The following GRID2IP variants were observed in gnomAD, a reference collection of about 807,000 sequenced individuals.
GRID2IP encodes Grid2 interacting protein.
Under a neutral mutation model 114.3 loss-of-function variants are expected in GRID2IP, and 78 were observed. The observed-to-expected ratio is 0.68, with a 90% CI of 0.57 to 0.82. The LOEUF is 0.82. GRID2IP is among the 40% of genes least tolerant of loss of function. The pLI is 0.00. For synonymous variants in GRID2IP, 809 were observed against 724.0 expected (o/e 1.12, Z -1.89); for missense variants, 1,727 against 1,678.5 (o/e 1.03, Z -0.51).
intron 2 of GRID2IP, among the ~76,000 whole-genome samples, chr7:6,531,411 C>A (rs1779620543): frequency 6.6e-6 from 1 of 152,362 alleles, no homozygotes; most frequent in African/African-American, 2.4e-5. Context: ...GGATCCTCGC[C>A]TGCGTCCTCT....
intron 2 of GRID2IP, among the ~76,000 whole-genome samples, chr7:6,535,131 C>G (rs911142425): frequency 2.6e-5 from 4 of 152,118 alleles, no homozygotes; most frequent in Non-Finnish European, 5.9e-5. Context: ...GTGATCCACC[C>G]GCCTCGGCCT....
chr7:6,512,589 C>T (rs1197458256), intron 8 of GRID2IP, among the ~76,000 whole-genome samples: 1 of 151,784 alleles, frequency 6.6e-6, no homozygotes, highest in Admixed American at 6.6e-5. Flanking sequence ...CAGCTCACTG[C>T]AACCTCCGTC....
rs1310099682 is a variant in GRID2IP, at chr7:6,534,419, G to C, written c.584+5299C>G. Reference sequence around the variant, plus strand: ...AGAAAGCCATTTTCTCACTTCATCAGACCGGGGTCCCTTTGGGGAGAGACC... The same window carrying C: ...AGAAAGCCATTTTCTCACTTCATCACACCGGGGTCCCTTTGGGGAGAGACC... On this transcript the variant is annotated intron_variant, in intron 2 of 21. Transcript: ENST00000457091. This position sits in a 1 kb window ranked among gnomAD's most constrained non-coding sequence, Gnocchi z 4.5. Among the ~76,000 whole-genome samples the C allele has an allele frequency of 1.3e-5, 2 of 152,190 alleles. No individual in the cohort carries two copies. The highest frequency in any genetic ancestry group is 2.9e-5 in the Non-Finnish European group (2 of 68,040).
chr7:6,508,264 G>C lies in GRID2IP; in HGVS notation c.2265C>G (p.Ser755Arg), dbSNP rs1292547724. The change falls in exon 13 of 22, where the codon AGC becomes AGG. Residue 755 changes from serine (S) to arginine (R), a missense_variant. Physicochemically the swap from Ser to Arg is moderately radical, Grantham distance 110. Coordinates refer to ENST00000457091, the MANE Select transcript of GRID2IP (RefSeq NM_001145118.2). This position sits in a 1 kb window ranked among gnomAD's most constrained non-coding sequence, Gnocchi z 5.6. The stretch of plus-strand genomic sequence containing the variant: ...AAGGCAGGGGTGGCGGTGGTGGGGG[G>C]CTGAGCGGGGGTGGGGGGATGTGGT... ...ISDHIPPPPL[S>R]PPPPPPLPFH... 1 of 1,522,826 alleles carries C rather than the reference G, an allele frequency of 6.6e-7. No individual in the cohort carries two copies. Among genetic ancestry groups the C allele is most frequent in the Admixed American group, 2.0e-5 (1 of 49,450 alleles). 94.3% of individuals were successfully genotyped at this position (1,522,826 alleles called of 1,614,324 possible).
In GRID2IP at chr7:6,546,751, C is replaced by G. The variant is rs73674132; in HGVS notation, c.429+4257G>C. On this transcript the variant is annotated intron_variant, in intron 1 of 21. Transcript: ENST00000457091. ...ACACACTGCAGCTGGCCTGGGCAGCCTGTCGGATTCTACCCTCAGCGGGTT... is the reference window on the plus strand; with the variant it reads ...ACACACTGCAGCTGGCCTGGGCAGCGTGTCGGATTCTACCCTCAGCGGGTT... Among the ~76,000 whole-genome samples, 322 of 152,070 alleles carry G rather than the reference C, an allele frequency of 2.1e-3. 1 individual carries two copies. Among genetic ancestry groups the G allele is most frequent in the African/African-American group, 7.5e-3 (310 of 41,488 alleles).
At chr7:6,541,730 A>C (rs1779817991) in intron 1 of GRID2IP, among the ~76,000 whole-genome samples, 1 of 152,198 alleles carries the variant, frequency 6.6e-6, no homozygotes, top group Non-Finnish European at 1.5e-5. Flanking sequence ...CATGTTGGAA[A>C]TGAGCATGCA....
chr7:6,496,849 G>A lies in GRID2IP; in HGVS notation c.*925C>T, dbSNP rs1786269264. 6.6e-6 allele frequency among the ~76,000 whole-genome samples: 1 copy of A among 150,824 alleles called. No homozygotes were observed. The highest frequency in any genetic ancestry group is 2.4e-5 in the African/African-American group (1 of 40,972). On this transcript the variant is annotated 3_prime_UTR_variant, in exon 22 of 22. Coordinates refer to ENST00000457091, the MANE Select transcript of GRID2IP (RefSeq NM_001145118.2). ...AACAGTTCACACACCCTCCCTCCCT[G>A]CCCACCACGCCACCTGCTCCTGCTC...
chr7:6,543,351 C>T (rs776892349), intron 1 of GRID2IP, among the ~76,000 whole-genome samples: 28 of 151,430 alleles, frequency 1.8e-4, no homozygotes, highest in Middle Eastern at 3.4e-3. Flanking sequence ...GAGCCAAGAT[C>T]GTGCCACTGC....
intron 8 of GRID2IP, among the ~76,000 whole-genome samples, chr7:6,513,698 GCCA>G (rs1011899496): frequency 2.0e-5 from 3 of 152,200 alleles, no homozygotes; most frequent in African/African-American, 7.2e-5. Context: ...CGTCCGTGGG[GCCA>G]CGTGTGGGCC....
At chr7:6,499,809 A>C (rs1339842504) in intron 20 of GRID2IP, among the ~76,000 whole-genome samples, 1 of 152,024 alleles carries the variant, frequency 6.6e-6, no homozygotes, top group African/African-American at 2.4e-5. Context: ...ACCTCACTGT[A>C]ACCTTGAACT....
chr7:6,520,782 A>G lies in GRID2IP; in HGVS notation c.1085-21T>C, dbSNP rs1583344295. On this transcript the variant is annotated intron_variant, in intron 6 of 21. Coordinates refer to ENST00000457091, the MANE Select transcript of GRID2IP (RefSeq NM_001145118.2). This position sits in a 1 kb window ranked among gnomAD's most constrained non-coding sequence, Gnocchi z 4.6. ...GGAGTCTGCTGGGACCACAGGCGGG[A>G]GAGGCATGAGTGACTCAGAGTCCCC... 1 of 1,542,220 alleles carries G rather than the reference A, an allele frequency of 6.5e-7. No homozygotes were observed. Among genetic ancestry groups the G allele is most frequent in the Non-Finnish European group, 8.8e-7 (1 of 1,140,284 alleles).
Position 6,526,574 on chromosome 7 carries a change from CG to C in GRID2IP, c.779del (p.Pro260ArgfsTer70). 1 of 1,203,066 alleles carries C rather than the reference CG, an allele frequency of 8.3e-7. No individual in the cohort carries two copies. Among genetic ancestry groups the C allele is most frequent in the Non-Finnish European group, 1.0e-6 (1 of 970,398 alleles). The allele number at this position is 1,203,066 out of a possible 1,614,324, so 74.5% of individuals were successfully genotyped here. A position where few individuals can be genotyped will look rare whatever the true frequency, so the allele number is the denominator to read the frequency against. On this transcript the variant is annotated frameshift_variant, in exon 3 of 22. Coordinates refer to ENST00000457091, the MANE Select transcript of GRID2IP (RefSeq NM_001145118.2). LOFTEE classifies it high-confidence loss of function. The surrounding 1 kb of genome is among the most constrained non-coding windows in gnomAD (Gnocchi z 7.6). ...CGCCCACCAGCAAGGAGGCCCTGCG[CG>C]GGGGCGGCTCATCGGGGCGGCGCGG... ...APPRRPDEPP[P>X]RRASLLVGGL...
At position 6,512,231 on chromosome 7, in the gene GRID2IP, C is replaced by CTTTTTTTTTTTTTTTTTTTTTTTTTTT. The variant is rs1002835555; in HGVS notation, c.1424-1193_1424-1192insAAAAAAAAAAAAAAAAAAAAAAAAAAA. Among the ~76,000 whole-genome samples the CTTTTTTTTTTTTTTTTTTTTTTTTTTT allele has an allele frequency of 3.3e-4, 30 of 90,206 alleles. 4 individuals carry two copies. Among genetic ancestry groups the CTTTTTTTTTTTTTTTTTTTTTTTTTTT allele is most frequent in the African/African-American group, 1.3e-3 (29 of 21,718 alleles). The allele number at this position is 90,206 out of a possible 152,430, so 59.2% of individuals were successfully genotyped here. A position where few individuals can be genotyped will look rare whatever the true frequency, so the allele number is the denominator to read the frequency against. On this transcript the variant is annotated intron_variant, in intron 8 of 21. Coordinates refer to ENST00000457091, the MANE Select transcript of GRID2IP (RefSeq NM_001145118.2). ...CACACCTGCCTTTTTTTCTTTTCTT[C>CTTTTTTTTTTTTTTTTTTTTTTTTTTT]TTTTTTTTTTTTTTTTTTGTGACAG...
At position 6,503,698 on chromosome 7, in the gene GRID2IP, GGCGGGGCGGTGAGCTGGGCGGGGCCGGA is replaced by G; in HGVS notation, c.2711-39_2711-12del. On this transcript the variant is annotated splice_polypyrimidine_tract_variant and intron_variant, in intron 15 of 21. Coordinates refer to ENST00000457091, the MANE Select transcript of GRID2IP (RefSeq NM_001145118.2). ...GTGCCAAGAGGATGGCTGCGGGCGG[GGCGGGGCGGTGAGCTGGGCGGGGCCGGA>G]GCGGGGCCGGATGGGACCCAAGACG... 1 of 1,469,846 alleles carries G rather than the reference GGCGGGGCGGTGAGCTGGGCGGGGCCGGA, an allele frequency of 6.8e-7. No individual in the cohort carries two copies. The highest frequency in any genetic ancestry group is 2.4e-5 in the Admixed American group (1 of 42,380). The allele number at this position is 1,469,846 out of a possible 1,614,324, so 91.1% of individuals were successfully genotyped here. A position where few individuals can be genotyped will look rare whatever the true frequency, so the allele number is the denominator to read the frequency against.
At chr7:6,535,517 C>T (rs945936624) in intron 2 of GRID2IP, among the ~76,000 whole-genome samples, 4 of 152,118 alleles carry the variant, frequency 2.6e-5, no homozygotes, top group African/African-American at 4.8e-5. Flanking sequence ...CTGACACACA[C>T]ACACGTGTAT....
At position 6,551,169 on chromosome 7, in the gene GRID2IP, C is replaced by T. The variant is rs1368249964; in HGVS notation, c.268G>A (p.Gly90Ser). Reference protein sequence around the residue: ...GVLPAPDGGPGPGSGPAAPTT... With the variant: ...GVLPAPDGGPSPGSGPAAPTT... ...GGGGCCGCGGGGCCGGATCCTGGGC[C>T]GGGGCCACCGTCGGGAGCCGGGAGC... The change falls in exon 1 of 22, where the codon GGC becomes AGC. Residue 90 changes from glycine to serine, a missense_variant. Coordinates refer to ENST00000457091, the MANE Select transcript of GRID2IP (RefSeq NM_001145118.2). The T allele has an allele frequency of 5.1e-6, 7 of 1,359,670 alleles. No individual in the cohort carries two copies. Among genetic ancestry groups the T allele is most frequent in the Non-Finnish European group, 6.6e-6 (7 of 1,064,448 alleles). 84.2% of individuals were successfully genotyped at this position (1,359,670 alleles called of 1,614,324 possible).
Position 6,501,976 on chromosome 7 carries a change from C to A in GRID2IP, c.3280+13G>T. On this transcript the variant is annotated intron_variant, in intron 19 of 21. Transcript: ENST00000457091. ...AGCATGCCTCTGCCTCCCCATCCAC[C>A]CACCCAGCATACCTTTGGCAGCCAG... The A allele has an allele frequency of 9.0e-6, 14 of 1,551,090 alleles. No individual in the cohort carries two copies. Among genetic ancestry groups the A allele is most frequent in the Non-Finnish European group, 1.2e-5 (14 of 1,146,720 alleles).
At chr7:6,505,031 C>T (rs578076782) in intron 14 of GRID2IP, among the ~76,000 whole-genome samples, 161 bp from the exon 15 acceptor site, 25 of 152,336 alleles carry the variant, frequency 1.6e-4, no homozygotes, top group African/African-American at 5.8e-4. Flanking sequence ...AGGTCGGGGA[C>T]CTTCAGGTCC....
chr7:6,517,124 G>A (rs1478340429), intron 7 of GRID2IP, among the ~76,000 whole-genome samples: 8 of 150,014 alleles, frequency 5.3e-5, no homozygotes, highest in African/African-American at 2.0e-4. Context: ...GCACAATCTC[G>A]TCTCACTGCA....
Sources: gnomAD v4.1 joint callset for allele counts (sites outside exome capture counted in the v4.1 genomes callset) on GRCh38, gnomAD v4.1.1 for gene constraint, Gnocchi (gnomAD v3.1) non-coding constraint, MANE v1.5 for transcripts, NCBI Gene and HGNC (gene_info 2026-07-23, HGNC 2026-07-21) for gene names.